The following ARMC2 variants were observed in gnomAD, a reference collection of about 807,000 sequenced individuals.
ARMC2 encodes armadillo repeat-containing protein 2.
A neutral mutation model predicts 90.3 loss-of-function variants in ARMC2; 67 were observed. The ratio of observed to expected loss-of-function variants is 0.74; its 90% CI spans 0.61 to 0.91. ARMC2 has a LOEUF of 0.91. Ranked by LOEUF, ARMC2 falls within the 40% of genes least tolerant of loss-of-function variation. The pLI is 0.00. For missense variants in ARMC2, 920 were observed against 1,030.9 expected, an observed-to-expected ratio of 0.89 and a Z score of 1.47; for synonymous variants, 393 against 393.0, an observed-to-expected ratio of 1.00 and a Z score of 0.00.
chr6:109,044,688 T>C, the ARMC2 span, among the ~76,000 whole-genome samples: 2 of 152,144 alleles, frequency 1.3e-5, no homozygotes, highest in East Asian at 3.8e-4. Flanking sequence ...ATATTTAATC[T>C]TGATGTCACA....
At chr6:108,885,051 CTG>C (rs1777947384) in intron 5 of ARMC2, among the ~76,000 whole-genome samples, 1 of 152,172 alleles carries the variant, frequency 6.6e-6, no homozygotes, top group Non-Finnish European at 1.5e-5. Context: ...TACCTTGAAA[CTG>C]TGGGGCTTTG....
chr6:108,943,799 A>C (rs1000658435), intron 12 of ARMC2, among the ~76,000 whole-genome samples: 12 of 152,188 alleles, frequency 7.9e-5, no homozygotes, highest in Admixed American at 7.9e-4. Flanking sequence ...GAGCCACTGC[A>C]CTCCAGCCTG....
In ARMC2 at chr6:108,944,179, C is replaced by T. The variant is rs553616458; in HGVS notation, c.1596+7180C>T. 3.3e-5 allele frequency among the ~76,000 whole-genome samples: 5 copies of T among 152,346 alleles called. No individual in the cohort carries two copies. In the East Asian group the frequency reaches 5.8e-4, roughly 18 times the overall value. On this transcript the variant is annotated intron_variant, in intron 12 of 17. Transcript: ENST00000392644. The stretch of plus-strand genomic sequence containing the variant: ...GCCACACAGAGTCAGTCTTTCTCTA[C>T]AGGAGCAGAGCTGACAGTGATTCTT...
chr6:108,964,994 T>G lies in ARMC2; in HGVS notation c.2300T>G (p.Leu767Ter). 1 of 1,610,954 alleles carries G rather than the reference T, an allele frequency of 6.2e-7. No homozygotes were observed. Among genetic ancestry groups the G allele is most frequent in the Non-Finnish European group, 8.5e-7 (1 of 1,177,266 alleles). Reference protein sequence around the residue: ...GGGIKKLVDCLRDLGPTDWQL... With the variant: ...GGGIKKLVDC The stretch of plus-strand genomic sequence containing the variant: ...TATTAACTCAGGTTAGTGGACTGTT[T>G]AAGAGATTTGGGTCCTACTGATTGG... Residue 767 changes from leucine (L) to a stop codon, truncating the protein, a stop_gained, in exon 17 of 18, where the codon TTA (leucine) becomes TGA (stop). Coordinates refer to ENST00000392644, the MANE Select transcript of ARMC2 (RefSeq NM_032131.6). LOFTEE classifies it high-confidence loss of function.
chr6:108,898,329 C>A (rs1272707994), intron 6 of ARMC2, among the ~76,000 whole-genome samples: 1 of 152,186 alleles, frequency 6.6e-6, no homozygotes, highest in Non-Finnish European at 1.5e-5. Context: ...TTCCTGATTT[C>A]TAACTCTTTG....
At chr6:108,989,594 T>G in the ARMC2 span, among the ~76,000 whole-genome samples, 9 of 143,236 alleles carry the variant, frequency 6.3e-5, no homozygotes, top group South Asian at 4.5e-4. Context: ...TAGAGAGAGA[T>G]AGAGAGAGAT....
At chr6:108,879,304 C>A (rs1251064564) in intron 5 of ARMC2, among the ~76,000 whole-genome samples, 1 of 151,640 alleles carries the variant, frequency 6.6e-6, no homozygotes, top group East Asian at 1.9e-4. Context: ...ATCCATCCAT[C>A]TACCCATCCA....
At chr6:108,947,883 A>C (rs547343544) in intron 12 of ARMC2, among the ~76,000 whole-genome samples, 7 of 152,334 alleles carry the variant, frequency 4.6e-5, no homozygotes, top group African/African-American at 1.7e-4. Context: ...TTTCAAAATC[A>C]CATAGTTATG....
chr6:108,864,585 A>G (rs957968151), intron 3 of ARMC2, among the ~76,000 whole-genome samples: 5 of 152,016 alleles, frequency 3.3e-5, no homozygotes, highest in African/African-American at 7.2e-5. Context: ...CTGACTTTCA[A>G]GGTGTCTTTT....
At chr6:108,851,304 C>T (rs1399933621) in intron 1 of ARMC2, among the ~76,000 whole-genome samples, 1 of 152,216 alleles carries the variant, frequency 6.6e-6, no homozygotes, top group East Asian at 1.9e-4. Context: ...CGAGCTCAAG[C>T]ACCACCTCTT....
chr6:109,025,226 G>T, the ARMC2 span, among the ~76,000 whole-genome samples: 2 of 151,766 alleles, frequency 1.3e-5, no homozygotes, highest in East Asian at 3.9e-4. Context: ...TTGGTGGAAG[G>T]GGTAAAATCT....
chr6:108,907,503 A>C (rs1562375895), intron 8 of ARMC2: 2 of 591,594 alleles, frequency 3.4e-6, no homozygotes, highest in Non-Finnish European at 5.0e-6. Context: ...TTTGGAGGTT[A>C]ATTGCCATTA....
At chr6:108,972,547 A>G (rs1017143212) in intron 17 of ARMC2, among the ~76,000 whole-genome samples, 1 of 152,242 alleles carries the variant, frequency 6.6e-6, no homozygotes, top group African/African-American at 2.4e-5. Context: ...CTATGTACAC[A>G]TAAGGAAGTA....
At chr6:108,864,803 T>C (rs2128424855) in intron 3 of ARMC2, among the ~76,000 whole-genome samples, 1 of 152,182 alleles carries the variant, frequency 6.6e-6, no homozygotes, top group East Asian at 1.9e-4. Flanking sequence ...ATGGATACCT[T>C]AAACGTTCTA....
chr6:108,936,312 A>G (rs1775956868), intron 11 of ARMC2, among the ~76,000 whole-genome samples: 1 of 152,148 alleles, frequency 6.6e-6, no homozygotes, highest in Non-Finnish European at 1.5e-5. Context: ...TCTGGAGTGC[A>G]GTGGTTCAAT....
chr6:108,989,618 T>C, the ARMC2 span, among the ~76,000 whole-genome samples: 5 of 144,562 alleles, frequency 3.5e-5, no homozygotes, highest in Non-Finnish European at 6.1e-5. Flanking sequence ...TATCTCTCTA[T>C]ATAGAGAAAT....
chr6:108,878,759 A>G (rs1777177713), intron 5 of ARMC2, among the ~76,000 whole-genome samples: 1 of 152,196 alleles, frequency 6.6e-6, no homozygotes, highest in Admixed American at 6.5e-5. Context: ...CCATATGCCC[A>G]TTTAGGGATT....
chr6:108,950,695 A>G (rs1469369189), intron 12 of ARMC2, among the ~76,000 whole-genome samples: 1 of 152,188 alleles, frequency 6.6e-6, no homozygotes, highest in Non-Finnish European at 1.5e-5. Flanking sequence ...TACCTGGGTG[A>G]CGAAATAATC....
At chr6:108,901,469 G>A (rs967149983) in intron 7 of ARMC2, among the ~76,000 whole-genome samples, 1 of 151,130 alleles carries the variant, frequency 6.6e-6, no homozygotes, top group African/African-American at 2.4e-5. Context: ...AGGCTGGAGT[G>A]CAGTGGCACG....
Sources: allele counts gnomAD v4.1 joint callset (sites outside exome capture counted in the v4.1 genomes callset), GRCh38; gene constraint gnomAD v4.1.1; transcripts MANE v1.5; gene names NCBI Gene and HGNC (gene_info 2026-07-23, HGNC 2026-07-21).